The following PCDH9 variants were observed in gnomAD, a reference collection of about 807,000 sequenced individuals.
The protein encoded by PCDH9 is protocadherin 9.
PCDH9 carries 24 observed loss-of-function variants against 70.6 expected under a neutral mutation model. The observed-to-expected ratio is 0.34, with a 90% CI of 0.25 to 0.48. PCDH9 has a LOEUF of 0.48. Ranked by LOEUF, PCDH9 falls within the 20% of genes least tolerant of loss-of-function variation. The pLI is 0.99. For synonymous variants in PCDH9, 562 were observed against 558.5 expected (o/e 1.01, Z -0.09); for missense variants, 1,281 against 1,503.6 (o/e 0.85, Z 2.45).
chr13:67,225,819 C>T lies in PCDH9; in HGVS notation c.2622G>A (p.Arg874=), dbSNP rs747992673. The T allele has an allele frequency of 1.2e-6, 2 of 1,614,094 alleles. No individual in the cohort carries two copies. Among genetic ancestry groups the T allele is most frequent in the Non-Finnish European group, 1.7e-6 (2 of 1,180,012 alleles). Residue 874 remains arginine, a synonymous_variant, in exon 2 of 5, where the codon AGG becomes AGA. Coordinates refer to ENST00000377865, the MANE Select transcript of PCDH9 (RefSeq NM_203487.3). ...KQNKKKKRKK[R]KSPKSSLLNF... ...TCAAAAGAGAGCTTTTGGGAGACTT[C>T]CTTTTCTTTCTTTTCTTTTTCTTGT...
intron 2 of PCDH9, among the ~76,000 whole-genome samples, chr13:67,194,344 T>C (rs1033889334): frequency 6.7e-6 from 1 of 149,156 alleles, no homozygotes; most frequent in Admixed American, 6.8e-5. Flanking sequence ...TGTGGAAAAC[T>C]GAAATAAGTT....
intron 3 of PCDH9, among the ~76,000 whole-genome samples, chr13:66,638,729 T>C (rs1207820250): frequency 3.3e-5 from 5 of 152,194 alleles, no homozygotes; most frequent in African/African-American, 1.2e-4. Context: ...TTAACTGGAA[T>C]TAACGTATGA....
chr13:66,614,055 C>T (rs950247400), intron 4 of PCDH9, among the ~76,000 whole-genome samples: 2 of 38,514 alleles, frequency 5.2e-5, no homozygotes, highest in African/African-American at 1.0e-4. Flanking sequence ...CTTAGCTACA[C>T]TTAGCACACA....
chr13:66,448,071 T>G (rs1457952607), intron 4 of PCDH9, among the ~76,000 whole-genome samples: 1 of 152,166 alleles, frequency 6.6e-6, no homozygotes, highest in South Asian at 2.1e-4. Context: ...GTTCCTTTCT[T>G]TTCTCTCTTT....
At chr13:67,077,092 G>C (rs1277593111) in intron 2 of PCDH9, among the ~76,000 whole-genome samples, 3 of 152,050 alleles carry the variant, frequency 2.0e-5, no homozygotes, top group African/African-American at 4.8e-5. Flanking sequence ...TGAAGACTGA[G>C]GACAGATCAC....
intron 3 of PCDH9, among the ~76,000 whole-genome samples, chr13:66,878,618 T>G (rs2139530208): frequency 6.6e-6 from 1 of 152,280 alleles, no homozygotes; most frequent in East Asian, 1.9e-4. Context: ...GGTACAACGG[T>G]GGAGACAGAA....
rs189569281 is a variant in PCDH9, at chr13:66,793,971, C to T, written c.3138+109533G>A. ...TGTTGGCCACATGAATCTCTAAACC[C>T]GACATTGCTAATTACAATTATCATA... On this transcript the variant is annotated intron_variant, in intron 3 of 4. Transcript: ENST00000377865. Among the ~76,000 whole-genome samples, 50 of 152,138 alleles carry T rather than the reference C, an allele frequency of 3.3e-4. 1 individual carries two copies. Among genetic ancestry groups the T allele is most frequent in the Admixed American group, 1.1e-3 (17 of 15,270 alleles).
chr13:67,085,190 T>C (rs550838095), intron 2 of PCDH9, among the ~76,000 whole-genome samples: 1 of 151,460 alleles, frequency 6.6e-6, no homozygotes, highest in African/African-American at 2.4e-5. Context: ...TTCACATCAA[T>C]AATTTAAAGA....
intron 4 of PCDH9, among the ~76,000 whole-genome samples, chr13:66,339,832 C>T (rs1375094079): frequency 6.6e-6 from 1 of 151,974 alleles, no homozygotes; most frequent in Non-Finnish European, 1.5e-5. Flanking sequence ...TCTTCTAGTT[C>T]ACTTCTTTGG....
intron 3 of PCDH9, among the ~76,000 whole-genome samples, chr13:66,709,386 T>C (rs1361312745): frequency 1.3e-5 from 2 of 152,218 alleles, no homozygotes; most frequent in East Asian, 3.8e-4. Context: ...GGTTTCTGAA[T>C]TGAAACTTGT....
intron 4 of PCDH9, among the ~76,000 whole-genome samples, chr13:66,414,092 C>T (rs1474060769): frequency 2.6e-5 from 4 of 151,800 alleles, no homozygotes; most frequent in African/African-American, 9.7e-5. Context: ...AAAAAGAAGA[C>T]TACACTGGAA....
chr13:66,717,118 C>G (rs1308011847), intron 3 of PCDH9, among the ~76,000 whole-genome samples: 1 of 151,834 alleles, frequency 6.6e-6, no homozygotes, highest in African/African-American at 2.4e-5. Context: ...TAGAGGACTT[C>G]AAGGTGTTTC....
chr13:66,353,381 A>T (rs1956324987), intron 4 of PCDH9, among the ~76,000 whole-genome samples: 1 of 152,204 alleles, frequency 6.6e-6, no homozygotes, highest in African/African-American at 2.4e-5. Context: ...GGCGGTAGAT[A>T]GTTCATACAT....
At chr13:67,053,650 T>C (rs1186120199) in intron 2 of PCDH9, among the ~76,000 whole-genome samples, 3 of 152,152 alleles carry the variant, frequency 2.0e-5, no homozygotes. Flanking sequence ...AACTAAGCAA[T>C]ACGAAATACC....
intron 4 of PCDH9, among the ~76,000 whole-genome samples, chr13:66,322,208 A>G (rs1955768318): frequency 6.6e-6 from 1 of 151,952 alleles, no homozygotes; most frequent in Non-Finnish European, 1.5e-5. Flanking sequence ...AGAGTACTCA[A>G]GTCCCTAACA....
intron 2 of PCDH9, among the ~76,000 whole-genome samples, chr13:67,053,294 A>G (rs150584180): frequency 2.6e-5 from 4 of 152,328 alleles, no homozygotes; most frequent in East Asian, 1.9e-4. Context: ...CTTTTGCTCT[A>G]TCCTCCAGGA....
chr13:66,916,583 T>C (rs1001469821), intron 2 of PCDH9, among the ~76,000 whole-genome samples: 1 of 151,564 alleles, frequency 6.6e-6, no homozygotes, highest in Non-Finnish European at 1.5e-5. Context: ...ATAAAATGTA[T>C]GTGAATACAA....
chr13:66,598,061 A>G (rs538705104), intron 4 of PCDH9, among the ~76,000 whole-genome samples: 2 of 151,992 alleles, frequency 1.3e-5, no homozygotes, highest in South Asian at 4.1e-4. Flanking sequence ...CATTATTTTA[A>G]AAAAGAAATC....
In PCDH9 at chr13:67,226,993, C is replaced by G. The variant is rs1343002178; in HGVS notation, c.1448G>C (p.Arg483Pro). ...AATAGTTGTTAAGTATAACCCACGT[C>G]GGTTGTTTTCAGAAACTGACAGCTC... is the stretch of plus-strand genomic sequence containing the variant. ...VIELSVSENN[R>P]RGLYLTTISA... Residue 483 changes from arginine (R) to proline (P), a missense_variant, in exon 2 of 5, where the codon CGA becomes CCA. Transcript: ENST00000377865. This position sits in a 1 kb window ranked among gnomAD's most constrained non-coding sequence, Gnocchi z 5.0. 1.9e-6 allele frequency: 3 copies of G among 1,614,138 alleles called. No homozygotes were observed. Among genetic ancestry groups the G allele is most frequent in the Non-Finnish European group, 2.5e-6 (3 of 1,180,020 alleles).
Sources: gnomAD v4.1 joint callset for allele counts (sites outside exome capture counted in the v4.1 genomes callset) on GRCh38, gnomAD v4.1.1 for gene constraint, Gnocchi (gnomAD v3.1) non-coding constraint, MANE v1.5 for transcripts, NCBI Gene and HGNC (gene_info 2026-07-23, HGNC 2026-07-21) for gene names.